Variants in FUBP1 observed in about 807,000 individuals in gnomAD.
FUBP1 encodes the protein far upstream element-binding protein 1.
Under a neutral mutation model 94.9 loss-of-function variants are expected in FUBP1, and 16 were observed. The ratio of observed to expected loss-of-function variants is 0.17; its 90% CI spans 0.11 to 0.26. The LOEUF (loss-of-function observed/expected upper bound fraction) is 0.26, where lower values mean the gene tolerates loss of function less well. Ranked by LOEUF, FUBP1 falls within the 10% of genes least tolerant of loss-of-function variation. The probability of loss-of-function intolerance (pLI) is 1.00; values close to 1 mark genes in which losing one functional copy is unlikely to be tolerated. For synonymous variants in FUBP1, 279 were observed against 254.9 expected (o/e 1.09, Z -0.90); for missense variants, 583 against 808.6 (o/e 0.72, Z 3.38).
intron 13 of FUBP1, among the ~76,000 whole-genome samples, chr1:77,963,357 G>A (rs1655874431): frequency 6.6e-6 from 1 of 152,096 alleles, no homozygotes; most frequent in Non-Finnish European, 1.5e-5. Context: ...CTCTTAGTTC[G>A]CTTTCTCTAG....
intron 1 of FUBP1, among the ~76,000 whole-genome samples, chr1:77,971,093 AG>A (rs1230435818): frequency 6.6e-6 from 1 of 152,074 alleles, no homozygotes; most frequent in African/African-American, 2.4e-5. Context: ...AGTCACAAGT[AG>A]GGCACAATCA....
chr1:77,964,606 A>G, intron 10 of FUBP1, 40 bp downstream of exon 10: 1 of 1,067,608 alleles, frequency 9.4e-7, no homozygotes, highest in South Asian at 1.3e-5. Flanking sequence ...ATATTTATGA[A>G]TTAGCATACA....
intron 1 of FUBP1, among the ~76,000 whole-genome samples, chr1:77,971,030 A>G (rs1657423567): frequency 6.6e-6 from 1 of 152,018 alleles, no homozygotes; most frequent in African/African-American, 2.4e-5. Flanking sequence ...CAAGACTGTT[A>G]CAAACAAAAC....
chr1:77,973,629 T>C (rs1658017765), intron 1 of FUBP1, among the ~76,000 whole-genome samples: 1 of 152,236 alleles, frequency 6.6e-6, no homozygotes, highest in African/African-American at 2.4e-5. Flanking sequence ...TAAGTTATTT[T>C]TCCTGTTTTC....
At chr1:77,966,823 A>T (rs1172387557) in intron 6 of FUBP1, 61 bp downstream of exon 6, 15 of 341,330 alleles carry the variant, frequency 4.4e-5, no homozygotes, top group Non-Finnish European at 6.2e-5. Context: ...TAGAAGGCTT[A>T]AAAAAAAAAA....
At chr1:77,953,990 G>C (rs935262012) in intron 18 of FUBP1, among the ~76,000 whole-genome samples, 3 of 152,104 alleles carry the variant, frequency 2.0e-5, no homozygotes, top group African/African-American at 7.2e-5. Context: ...GTTGAAGTTA[G>C]TGATTTTTAA....
intron 14 of FUBP1, among the ~76,000 whole-genome samples, chr1:77,961,346 A>G (rs147912146): frequency 4.8e-4 from 73 of 152,342 alleles, no homozygotes; most frequent in Middle Eastern, 3.4e-3. Context: ...CATGACCTTT[A>G]AAGTTCTTTT....
intron 14 of FUBP1, among the ~76,000 whole-genome samples, chr1:77,962,318 T>C (rs1404935708): frequency 6.6e-6 from 1 of 152,178 alleles, no homozygotes; most frequent in Non-Finnish European, 1.5e-5. Flanking sequence ...GTCTACATTT[T>C]AATACCCCCA....
chr1:77,973,883 G>GTAA (rs1658080272), intron 1 of FUBP1, among the ~76,000 whole-genome samples: 1 of 152,050 alleles, frequency 6.6e-6, no homozygotes, highest in Non-Finnish European at 1.5e-5. Flanking sequence ...TTCTTGTCCA[G>GTAA]TAATACAGTG....
At chr1:77,956,771 C>G in intron 16 of FUBP1, 71 bp from the exon 17 acceptor site, 1 of 1,088,730 alleles carries the variant, frequency 9.2e-7, no homozygotes, top group Non-Finnish European at 1.3e-6. Flanking sequence ...ACACACCACC[C>G]CCCCGCCCAG....
At chr1:77,948,970 T>A in intron 19 of FUBP1, 185 bp downstream of exon 19, 1 of 919,464 alleles carries the variant, frequency 1.1e-6, no homozygotes, top group Non-Finnish European at 1.7e-6. Context: ...TATTCACCAC[T>A]CAGATGCTGG....
chr1:77,958,805 G>A (rs145978460), intron 16 of FUBP1, among the ~76,000 whole-genome samples: 1 of 152,280 alleles, frequency 6.6e-6, no homozygotes, highest in Non-Finnish European at 1.5e-5. Context: ...ATATGAATCT[G>A]CCTTTTAACC....
Position 77,948,706 on chromosome 1 carries a change from AT to A in FUBP1, c.*59del. On this transcript the variant is annotated 3_prime_UTR_variant, in exon 20 of 20. Transcript: ENST00000370768. Reference sequence around the variant, plus strand: ...TTCATCAAGTCGTCTGCATCCATATATTTAACAAAGGTTTTTTTCCCCCACA... The same window carrying A: ...TTCATCAAGTCGTCTGCATCCATATATTAACAAAGGTTTTTTTCCCCCACA... 3 of 1,584,622 alleles carry A rather than the reference AT, an allele frequency of 1.9e-6. No individual in the cohort carries two copies. The highest frequency in any genetic ancestry group is 2.6e-6 in the Non-Finnish European group (3 of 1,170,692).
At chr1:77,972,239 A>T (rs1657696748) in intron 1 of FUBP1, among the ~76,000 whole-genome samples, 1 of 152,156 alleles carries the variant, frequency 6.6e-6, no homozygotes, top group Non-Finnish European at 1.5e-5. Context: ...AGGCACTAAT[A>T]GTAGAAGGAA....
At position 77,945,048 on chromosome 1, in the gene FUBP1, C is replaced by G. The variant is rs1357144211; in HGVS notation, c.*3718G>C. On this transcript the variant is annotated 3_prime_UTR_variant, in exon 20 of 20. Coordinates refer to ENST00000370768, the MANE Select transcript of FUBP1 (RefSeq NM_003902.5). ...CTAATATCCAATGCATTCAAATCAA[C>G]TGGCTCACCTTTTCTGCTTTCCATT... 6.6e-6 allele frequency among the ~76,000 whole-genome samples: 1 copy of G among 151,980 alleles called. No individual in the cohort carries two copies.
At chr1:77,969,832 G>T in intron 2 of FUBP1, 93 bp downstream of exon 2, 1 of 558,666 alleles carries the variant, frequency 1.8e-6, no homozygotes, top group Non-Finnish European at 3.1e-6. Flanking sequence ...TATAATAAAA[G>T]TTAATATCTC....
At position 77,945,706 on chromosome 1, in the gene FUBP1, TTTTAAAAGG is replaced by T; in HGVS notation, c.*3051_*3059del. The T allele has an allele frequency of 4.7e-6, 1 of 212,372 alleles. No homozygotes were observed. The allele number at this position is 212,372 out of a possible 1,614,324, so 13.2% of individuals were successfully genotyped here. The stretch of plus-strand genomic sequence containing the variant: ...TCTTTGTTGCAGAGATAAGCAGGAG[TTTTAAAAGG>T]ATCAGCACATTTTAGAAATCGAATA... On this transcript the variant is annotated 3_prime_UTR_variant, in exon 20 of 20. Coordinates refer to ENST00000370768, the MANE Select transcript of FUBP1 (RefSeq NM_003902.5).
chr1:77,951,552 A>G (rs894542554), intron 18 of FUBP1, among the ~76,000 whole-genome samples: 27 of 151,970 alleles, frequency 1.8e-4, no homozygotes, highest in African/African-American at 6.0e-4. Flanking sequence ...TAGTTACTGG[A>G]TTTTGTTTTG....
At chr1:77,952,206 T>C (rs11806006) in intron 18 of FUBP1, among the ~76,000 whole-genome samples, 2,355 of 152,084 alleles carry the variant, frequency 0.015, 52 homozygotes, top group African/African-American at 0.053. Flanking sequence ...GCCACTGCAC[T>C]TCAGCCTGGG....
Sources: allele counts gnomAD v4.1 joint callset (sites outside exome capture counted in the v4.1 genomes callset), GRCh38; gene constraint gnomAD v4.1.1; transcripts MANE v1.5; gene names NCBI Gene and HGNC (gene_info 2026-07-23, HGNC 2026-07-21).